Variants in SALL1 observed in about 807,000 individuals in gnomAD.
The protein encoded by SALL1 is spalt like transcription factor 1.
Under a neutral mutation model 73.1 loss-of-function variants are expected in SALL1, and 10 were observed. That is an observed-to-expected ratio of 0.14 (90% CI 0.08 to 0.23). SALL1 has a LOEUF of 0.23. Ranked by LOEUF, SALL1 falls within the 10% of genes least tolerant of loss-of-function variation. The pLI is 1.00. For synonymous variants in SALL1, 688 were observed against 689.8 expected, an observed-to-expected ratio of 1.00 and a Z score of 0.04; for missense variants, 1,520 against 1,697.3, an observed-to-expected ratio of 0.90 and a Z score of 1.84.
rs1014722623 is a variant in SALL1, at chr16:51,136,745, A to G, written c.*367T>C. The G allele has an allele frequency of 2.3e-5, 7 of 301,492 alleles. No individual in the cohort carries two copies. The highest frequency in any genetic ancestry group is 3.8e-5 in the Non-Finnish European group (6 of 156,294). 18.7% of individuals were successfully genotyped at this position (301,492 alleles called of 1,614,324 possible). On this transcript the variant is annotated 3_prime_UTR_variant, in exon 3 of 3. Coordinates refer to ENST00000251020, the MANE Select transcript of SALL1 (RefSeq NM_002968.3). ...GAGGCATTGCATCAACACCAGATTCATATTAAACTGGATATAGAAAATAAG... is the reference window on the plus strand; with the variant it reads ...GAGGCATTGCATCAACACCAGATTCGTATTAAACTGGATATAGAAAATAAG...
chr16:51,137,127 C>T lies in SALL1; in HGVS notation c.3960G>A (p.Glu1320=), dbSNP rs371833731. Residue 1320 remains glutamate (E), a synonymous_variant, in exon 3 of 3, where the codon GAG becomes GAA. Coordinates refer to ENST00000251020, the MANE Select transcript of SALL1 (RefSeq NM_002968.3). The stretch of plus-strand genomic sequence containing the variant: ...CCGAGCTGCTTTAACTCGTGACGAT[C>T]TCCTTGCTGTCCTCCACGAAGCGGG... The part of the protein sequence containing the change: ...RFTRFVEDSK[E]IVTS The T allele has an allele frequency of 6.2e-7, 1 of 1,614,064 alleles. No homozygotes were observed. Among genetic ancestry groups the T allele is most frequent in the African/African-American group, 1.3e-5 (1 of 74,930 alleles).
At chr16:51,148,405 T>C (rs575372012) in intron 1 of SALL1, among the ~76,000 whole-genome samples, 1 of 152,390 alleles carries the variant, frequency 6.6e-6, no homozygotes, top group South Asian at 2.1e-4. Context: ...GAACTAGATT[T>C]AATTTGGTAT....
At chr16:51,143,493 T>A (rs1441612396) in intron 1 of SALL1, 1 of 171,414 alleles carries the variant, frequency 5.8e-6, no homozygotes, top group African/African-American at 2.4e-5. Flanking sequence ...TAATAGGTAG[T>A]TTCCATGACT....
chr16:51,138,890 C>T lies in SALL1; in HGVS notation c.3332G>A (p.Gly1111Glu). 6.2e-7 allele frequency: 1 copy of T among 1,614,080 alleles called. No individual in the cohort carries two copies. The highest frequency in any genetic ancestry group is 8.5e-7 in the Non-Finnish European group (1 of 1,180,016). The change falls in exon 2 of 3, where the codon GGG (glycine) becomes GAG (glutamate). Residue 1111 changes from glycine (G) to glutamate (E), a missense_variant. Gly to Glu is a moderately conservative substitution (Grantham distance 98). Transcript: ENST00000251020. ...KDTPTSHVPSGPLSSSATSPV... is the reference protein window; with the variant it reads ...KDTPTSHVPSEPLSSSATSPV... ...GGATGTGGCAGAGGAAGACAGAGGC[C>T]CAGACGGGACGTGACTGGTGGGGGT...
At position 51,136,836 on chromosome 16, in the gene SALL1, A is replaced by C; in HGVS notation, c.*276T>G. On this transcript the variant is annotated 3_prime_UTR_variant, in exon 3 of 3. Coordinates refer to ENST00000251020, the MANE Select transcript of SALL1 (RefSeq NM_002968.3). ...TTGCCATAAATGTTACAGCAAGTTTACAGCACTCTAGTCAATTAGTATTTA... is the reference window on the plus strand; with the variant it reads ...TTGCCATAAATGTTACAGCAAGTTTCCAGCACTCTAGTCAATTAGTATTTA... 2.2e-6 allele frequency: 1 copy of C among 456,514 alleles called. No individual in the cohort carries two copies. The highest frequency in any genetic ancestry group is 2.5e-5 in the South Asian group (1 of 39,446). 28.3% of individuals were successfully genotyped at this position (456,514 alleles called of 1,614,324 possible). A position where few individuals can be genotyped will look rare whatever the true frequency, so the allele number is the denominator to read the frequency against.
intron 1 of SALL1, among the ~76,000 whole-genome samples, chr16:51,146,296 G>A (rs1251614605): frequency 2.0e-5 from 3 of 151,946 alleles, no homozygotes; most frequent in Non-Finnish European, 4.4e-5. Context: ...AGTGATCCAA[G>A]CCCACCTAAT....
intron 1 of SALL1, among the ~76,000 whole-genome samples, chr16:51,144,936 G>A (rs566250424): frequency 3.9e-5 from 6 of 152,140 alleles, no homozygotes; most frequent in Admixed American, 3.9e-4. Flanking sequence ...ACTGTAGAGT[G>A]AACTAATTTA....
Position 51,140,848 on chromosome 16 carries a change from A to G in SALL1, c.1374T>C (p.Phe458=), listed in dbSNP as rs376373914. Residue 458 remains phenylalanine (F), a synonymous_variant, in exon 2 of 3, where the codon TTT becomes TTC. Transcript: ENST00000251020. This position sits in a 1 kb window ranked among gnomAD's most constrained non-coding sequence, Gnocchi z 5.7. ...GGATCTGCAAGGCACTGTCACTCCC[A>G]AAGACCTTCGCGCAGAACCTGCACT... ...KHKCRFCAKV[F]GSDSALQIHL... 21 of 1,614,108 alleles carry G rather than the reference A, an allele frequency of 1.3e-5. No individual in the cohort carries two copies. Among genetic ancestry groups the G allele is most frequent in the Non-Finnish European group, 1.8e-5 (21 of 1,180,048 alleles).
At chr16:51,148,815 G>C (rs1962554302) in intron 1 of SALL1, among the ~76,000 whole-genome samples, 1 of 151,912 alleles carries the variant, frequency 6.6e-6, no homozygotes, top group African/African-American at 2.4e-5. Flanking sequence ...CTACCCTCTA[G>C]GCAACTTCTC....
chr16:51,144,120 A>C (rs1962483076), intron 1 of SALL1, among the ~76,000 whole-genome samples: 1 of 152,192 alleles, frequency 6.6e-6, no homozygotes, highest in Non-Finnish European at 1.5e-5. Context: ...TGTGACAAAA[A>C]TTCTCTTTAA....
At chr16:51,148,636 G>T (rs888275330) in intron 1 of SALL1, among the ~76,000 whole-genome samples, 1 of 152,172 alleles carries the variant, frequency 6.6e-6, no homozygotes, top group African/African-American at 2.4e-5. Flanking sequence ...ACTTTTAAAA[G>T]GTAACCTTGA....
chr16:51,135,986 G>C lies in SALL1; in HGVS notation c.*1126C>G, dbSNP rs1284616934. On this transcript the variant is annotated 3_prime_UTR_variant, in exon 3 of 3. Coordinates refer to ENST00000251020, the MANE Select transcript of SALL1 (RefSeq NM_002968.3). ...TCTAAAAACACAGACACAGTATTTT[G>C]TTTTATCTGTTGCAAAAAAAATGTA... The C allele has an allele frequency of 6.6e-6, 1 of 152,528 alleles. No homozygotes were observed. Among genetic ancestry groups the C allele is most frequent in the African/African-American group, 2.4e-5 (1 of 41,418 alleles). The allele number at this position is 152,528 out of a possible 1,614,324, so 9.4% of individuals were successfully genotyped here.
Position 51,141,519 on chromosome 16 carries a change from C to A in SALL1, c.703G>T (p.Ala235Ser). ...AVPALMEQLL[A>S]LQQQQIHQLQ... ...TGGTGGATCTGCTGCTGCTGCAGAGCTAGGAGTTGTTCCATGAGGGCTGGG... is the reference window on the plus strand; with the variant it reads ...TGGTGGATCTGCTGCTGCTGCAGAGATAGGAGTTGTTCCATGAGGGCTGGG... The change falls in exon 2 of 3, where the codon GCT (alanine) becomes TCT (serine). Residue 235 changes from alanine (A) to serine (S), a missense_variant. Coordinates refer to ENST00000251020, the MANE Select transcript of SALL1 (RefSeq NM_002968.3). This position sits in a 1 kb window ranked among gnomAD's most constrained non-coding sequence, Gnocchi z 5.4. 6.2e-7 allele frequency: 1 copy of A among 1,613,982 alleles called. No homozygotes were observed. The highest frequency in any genetic ancestry group is 8.5e-7 in the Non-Finnish European group (1 of 1,180,004).
chr16:51,146,853 C>T (rs561247932), intron 1 of SALL1, among the ~76,000 whole-genome samples: 25 of 152,172 alleles, frequency 1.6e-4, no homozygotes, highest in Admixed American at 1.4e-3. Context: ...GGTTAACTTT[C>T]CACCTCTTTT....
chr16:51,150,644 A>AG, intron 1 of SALL1: 3 of 896,368 alleles, frequency 3.3e-6, no homozygotes, highest in Non-Finnish European at 4.0e-6. Context: ...GCGTGGGGGC[A>AG]GGGGGGCGCA....
chr16:51,139,315 A>G lies in SALL1; in HGVS notation c.2907T>C (p.Ala969=), dbSNP rs1036808208. ...CTGCGTGACTAGATGTCAAATCCAAAGCCCCACCATTCACTGGGGTGGGAG... is the reference window on the plus strand; with the variant it reads ...CTGCGTGACTAGATGTCAAATCCAAGGCCCCACCATTCACTGGGGTGGGAG... ...GLSPTPVNGG[A]LDLTSSHAEK... is the part of the protein sequence containing the mutation. Residue 969 remains alanine (A), a synonymous_variant, in exon 2 of 3, where the codon GCT becomes GCC. Coordinates refer to ENST00000251020, the MANE Select transcript of SALL1 (RefSeq NM_002968.3). 6.2e-7 allele frequency: 1 copy of G among 1,613,986 alleles called. No individual in the cohort carries two copies. Among genetic ancestry groups the G allele is most frequent in the African/African-American group, 1.3e-5 (1 of 74,912 alleles).
rs558508417 is a variant in SALL1, at chr16:51,137,066, C to A, written c.*46G>T. 1.3e-6 allele frequency: 2 copies of A among 1,581,720 alleles called. No individual in the cohort carries two copies. Among genetic ancestry groups the A allele is most frequent in the South Asian group, 2.2e-5 (2 of 89,954 alleles). ...CAAGGAGTAGGAGGCCACCATAGGT[C>A]GCATTCTGAACAGGAATGAATGCTA... On this transcript the variant is annotated 3_prime_UTR_variant, in exon 3 of 3. Transcript: ENST00000251020.
At position 51,139,425 on chromosome 16, in the gene SALL1, T is replaced by C; in HGVS notation, c.2797A>G (p.Asn933Asp). 1 of 1,614,184 alleles carries C rather than the reference T, an allele frequency of 6.2e-7. No individual in the cohort carries two copies. Among genetic ancestry groups the C allele is most frequent in the Non-Finnish European group, 8.5e-7 (1 of 1,180,034 alleles). ...TSSMQALSPS[N>D]STQEFHKSPS... is the part of the protein sequence containing the mutation. The stretch of plus-strand genomic sequence containing the variant: ...GACTTGTGGAACTCCTGCGTGCTGT[T>C]GGACGGGGACAGAGCCTGCATGGAA... The change falls in exon 2 of 3, where the codon AAC becomes GAC. Residue 933 changes from asparagine (N) to aspartate (D), a missense_variant. By Grantham distance (23) the Asn-to-Asp change is conservative. Around this residue, in one of 7 missense-constraint regions of SALL1, gnomAD observed 266 missense variants for 275.1 expected, o/e 0.97. Coordinates refer to ENST00000251020, the MANE Select transcript of SALL1 (RefSeq NM_002968.3).
intron 1 of SALL1, 127 bp from the exon 2 acceptor site, chr16:51,142,272 C>T: frequency 5.4e-6 from 4 of 740,206 alleles, no homozygotes; most frequent in Non-Finnish European, 9.4e-6. Flanking sequence ...CCCTTGAAAA[C>T]CAATCAATAT....
Sources: gnomAD v4.1 joint callset for allele counts (sites outside exome capture counted in the v4.1 genomes callset) on GRCh38, gnomAD v4.1.1 for gene constraint, gnomAD v4.1.1 regional missense constraint, Gnocchi (gnomAD v3.1) non-coding constraint, MANE v1.5 for transcripts, NCBI Gene and HGNC (gene_info 2026-07-23, HGNC 2026-07-21) for gene names.